Variants in PCDHGA4 observed in about 807,000 individuals in gnomAD.
The protein encoded by PCDHGA4 is protocadherin gamma-A4.
PCDHGA4 carries 38 observed loss-of-function variants against 54.6 expected under a neutral mutation model. The ratio of observed to expected loss-of-function variants is 0.70; its 90% CI spans 0.54 to 0.91. The LOEUF (loss-of-function observed/expected upper bound fraction) is 0.91. Ranked by LOEUF, PCDHGA4 falls within the 40% of genes least tolerant of loss-of-function variation. The pLI is 0.00. For synonymous variants in PCDHGA4, 511 were observed against 512.9 expected, an observed-to-expected ratio of 1.00 and a Z score of 0.05; for missense variants, 1,298 against 1,220.9, an observed-to-expected ratio of 1.06 and a Z score of -0.94.
In PCDHGA4 at chr5:141,512,088, A is replaced by G. The variant is rs192947391; in HGVS notation, c.*915A>G. 2.6e-5 allele frequency: 4 copies of G among 152,772 alleles called. No individual in the cohort carries two copies. Among genetic ancestry groups the G allele is most frequent in the Admixed American group, 6.5e-5 (1 of 15,306 alleles). 9.5% of individuals were successfully genotyped at this position (152,772 alleles called of 1,614,324 possible). On this transcript the variant is annotated 3_prime_UTR_variant, in exon 4 of 4. Transcript: ENST00000571252. ...TCCTCCAGATTCCAGCCATAAACCAATAACTAGGCTGGACCCTTCCCACTA... is the reference window on the plus strand; with the variant it reads ...TCCTCCAGATTCCAGCCATAAACCAGTAACTAGGCTGGACCCTTCCCACTA...
intron 1 of PCDHGA4, chr5:141,361,965 G>A (rs1279903156): frequency 2.5e-6 from 4 of 1,602,122 alleles, no homozygotes; most frequent in Admixed American, 3.4e-5. Context: ...ACGTGCTGCA[G>A]GCCAGCGAGC....
chr5:141,475,162 G>T (rs949339969), intron 1 of PCDHGA4, among the ~76,000 whole-genome samples: 2 of 152,034 alleles, frequency 1.3e-5, no homozygotes, highest in South Asian at 4.1e-4. Flanking sequence ...TTCTTCATTA[G>T]CAGTGCAACT....
At chr5:141,403,551 T>G in intron 1 of PCDHGA4, 1 of 1,613,986 alleles carries the variant, frequency 6.2e-7, no homozygotes, top group Non-Finnish European at 8.5e-7. Context: ...GAGCGCGCCC[T>G]GGACAGGGAG....
At position 141,356,964 on chromosome 5, in the gene PCDHGA4, G is replaced by A; in HGVS notation, c.1857G>A (p.Val619=). The change falls in exon 1 of 4, where the codon GTG becomes GTA. Residue 619 remains valine (V), a synonymous_variant. Transcript: ENST00000571252. ...GCTCCGCAGATTCCGGCTACCTGGT[G>A]ACCAAAGTGGTGGCAGTGGACAGAG... ...APRSADSGYL[V]TKVVAVDRDS... The A allele has an allele frequency of 1.2e-6, 2 of 1,614,246 alleles. No homozygotes were observed. Among genetic ancestry groups the A allele is most frequent in the Non-Finnish European group, 1.7e-6 (2 of 1,180,042 alleles).
At chr5:141,393,167 G>A (rs889451396) in intron 1 of PCDHGA4, 9 of 1,613,166 alleles carry the variant, frequency 5.6e-6, no homozygotes, top group Non-Finnish European at 7.6e-6. Flanking sequence ...AACTCTTTGG[G>A]GTAGAAATAG....
chr5:141,421,402 G>A (rs2096569907), intron 1 of PCDHGA4: 1 of 1,614,076 alleles, frequency 6.2e-7, no homozygotes, highest in Non-Finnish European at 8.5e-7. Context: ...GGAGCCCCGG[G>A]AGCTGGCGAA....
In PCDHGA4 at chr5:141,431,457, T is replaced by C; in HGVS notation, c.2515-63350T>C. ...ACCGCGCGCATCCGCGTGATGGTTC[T>C]GGATGCGAACGACAACGCACCAGCG... On this transcript the variant is annotated intron_variant, in intron 1 of 3. Transcript: ENST00000571252. This position sits in a 1 kb window ranked among gnomAD's most constrained non-coding sequence, Gnocchi z 4.8. 6.2e-7 allele frequency: 1 copy of C among 1,613,818 alleles called. No homozygotes were observed. Among genetic ancestry groups the C allele is most frequent in the South Asian group, 1.1e-5 (1 of 91,088 alleles).
At chr5:141,505,300 G>A in intron 2 of PCDHGA4, 93 bp from the exon 3 acceptor site, 1 of 1,589,042 alleles carries the variant, frequency 6.3e-7, no homozygotes, top group South Asian at 1.1e-5. Flanking sequence ...GGTAGGGTTA[G>A]GGTACTAGGT....
chr5:141,462,552 T>G (rs966816379), intron 1 of PCDHGA4, among the ~76,000 whole-genome samples: 4 of 152,194 alleles, frequency 2.6e-5, no homozygotes, highest in African/African-American at 9.6e-5. Context: ...TCTTCTTCAG[T>G]GTTTACTGTA....
In PCDHGA4 at chr5:141,365,854, C is replaced by G. The variant is rs570866859; in HGVS notation, c.2514+8233C>G. On this transcript the variant is annotated intron_variant, in intron 1 of 3. Transcript: ENST00000571252. ...CCTTGTCCTCCTATGTATCCATTAA[C>G]TCTGACACCGGTGTCCTGTATGCTC... 17 of 1,614,060 alleles carry G rather than the reference C, an allele frequency of 1.1e-5. 1 individual carries two copies. In the South Asian group the frequency reaches 1.8e-4, roughly 17 times the overall value.
At chr5:141,440,431 A>G (rs1338519888) in intron 1 of PCDHGA4, 1 of 152,222 alleles carries the variant, frequency 6.6e-6, no homozygotes, top group Non-Finnish European at 1.5e-5. Flanking sequence ...TGGGTGACAG[A>G]GCAAGGCGCC....
At chr5:141,362,039 G>A (rs1434989183) in intron 1 of PCDHGA4, 1 of 1,610,428 alleles carries the variant, frequency 6.2e-7, no homozygotes, top group Admixed American at 1.7e-5. Flanking sequence ...TTGGGCGACA[G>A]GGACGCGGCC....
rs140609729 is a variant in PCDHGA4 at position 141,372,233 on chromosome 5, G to A, written c.2514+14612G>A. On this transcript the variant is annotated intron_variant, in intron 1 of 3. Coordinates refer to ENST00000571252, the MANE Select transcript of PCDHGA4 (RefSeq NM_018917.4). ...CCTACCACATTGTGCAGGCCAGCGA[G>A]CCCGGGCTGTTCAGCCTGGGCCTGC... 2,947 of 1,613,368 alleles carry A rather than the reference G, an allele frequency of 1.8e-3. 7 individuals carry two copies. The highest frequency in any genetic ancestry group is 2.3e-3 in the Non-Finnish European group (2,745 of 1,179,836).
chr5:141,504,790 CT>C (rs1204741124), intron 2 of PCDHGA4, among the ~76,000 whole-genome samples: 15 of 152,080 alleles, frequency 9.9e-5, no homozygotes, highest in Admixed American at 3.9e-4. Context: ...TTGGGGCCTC[CT>C]ACATCTCCCC....
chr5:141,466,989 G>C, intron 1 of PCDHGA4, among the ~76,000 whole-genome samples: 1 of 150,922 alleles, frequency 6.6e-6, no homozygotes. Context: ...TTTACCTTTT[G>C]GCATTTTTTT....
chr5:141,501,304 C>T (rs1005430489), intron 2 of PCDHGA4, among the ~76,000 whole-genome samples: 104 of 151,340 alleles, frequency 6.9e-4, no homozygotes, highest in African/African-American at 2.2e-3. Flanking sequence ...CACACACACA[C>T]ACACACACAC....
chr5:141,399,628 G>A (rs775633916), intron 1 of PCDHGA4: 23 of 1,613,772 alleles, frequency 1.4e-5, no homozygotes, highest in South Asian at 2.2e-5. Context: ...GGCCTCTTAC[G>A]TGTCCATGAG....
chr5:141,428,180 C>A, intron 1 of PCDHGA4: 1 of 1,486,268 alleles, frequency 6.7e-7, no homozygotes, highest in Non-Finnish European at 9.2e-7. Flanking sequence ...TGACGGAGGA[C>A]AGCCGCCGCT....
intron 1 of PCDHGA4, among the ~76,000 whole-genome samples, chr5:141,456,621 G>T (rs6885794): frequency 0.55 from 83,339 of 152,038 alleles, 25,195 homozygotes; most frequent in African/African-American, 0.82. Context: ...CTGTAGATTT[G>T]CCTCTTCTTT....
Sources: allele counts gnomAD v4.1 joint callset (sites outside exome capture counted in the v4.1 genomes callset), GRCh38; gene constraint gnomAD v4.1.1; non-coding constraint Gnocchi (gnomAD v3.1); transcripts MANE v1.5; gene names NCBI Gene and HGNC (gene_info 2026-07-23, HGNC 2026-07-21).